The following WWOX variants were observed in gnomAD, a reference collection of about 807,000 sequenced individuals.
WWOX encodes the protein WW domain containing oxidoreductase, also known as WW domain-containing oxidoreductase.
A neutral mutation model predicts 46.2 loss-of-function variants in WWOX; 69 were observed. That is an observed-to-expected ratio of 1.49 (90% CI 1.23 to 1.82). The LOEUF is 1.82. WWOX is among the 40% of genes most tolerant of loss of function. WWOX has a pLI of 0.00. For missense variants in WWOX, 919 were observed against 542.6 expected, an observed-to-expected ratio of 1.69 and a Z score of -6.89; for synonymous variants, 359 against 202.6, an observed-to-expected ratio of 1.77 and a Z score of -6.56.
At chr16:78,904,828 T>G (rs2044920207) in intron 8 of WWOX, among the ~76,000 whole-genome samples, 1 of 152,196 alleles carries the variant, frequency 6.6e-6, no homozygotes, top group African/African-American at 2.4e-5. Flanking sequence ...ACTGAATATT[T>G]CTTAATTAAG....
At chr16:79,048,648 A>G (rs1451233454) in intron 8 of WWOX, among the ~76,000 whole-genome samples, 4 of 152,164 alleles carry the variant, frequency 2.6e-5, no homozygotes, top group South Asian at 4.1e-4. Flanking sequence ...ATTATACTCT[A>G]AAGCATCAAT....
chr16:78,742,952 G>A (rs778259687), intron 8 of WWOX, among the ~76,000 whole-genome samples: 1 of 152,090 alleles, frequency 6.6e-6, no homozygotes, highest in African/African-American at 2.4e-5. Flanking sequence ...GCTTGTGGAA[G>A]AGTAAGAGGG....
intron 5 of WWOX, among the ~76,000 whole-genome samples, chr16:78,323,061 A>G (rs978575263): frequency 6.6e-6 from 1 of 152,200 alleles, no homozygotes; most frequent in East Asian, 1.9e-4. Context: ...AAAATAAAAC[A>G]GGCGTTCCTT....
At chr16:78,817,861 T>G (rs1446038972) in intron 8 of WWOX, among the ~76,000 whole-genome samples, 1 of 152,160 alleles carries the variant, frequency 6.6e-6, no homozygotes, top group Non-Finnish European at 1.5e-5. Context: ...GCCTTCTTAT[T>G]GTCATAGGTC....
chr16:78,499,859 C>A (rs2085017725), intron 8 of WWOX, among the ~76,000 whole-genome samples: 2 of 152,274 alleles, frequency 1.3e-5, no homozygotes, highest in South Asian at 4.1e-4. Context: ...ATGCCATGGA[C>A]CCCTCCCTTA....
chr16:78,619,632 TGGTGGCTC>T (rs2046127444), intron 8 of WWOX, among the ~76,000 whole-genome samples: 1 of 151,642 alleles, frequency 6.6e-6, no homozygotes, highest in African/African-American at 2.4e-5. Context: ...GAATTGGGCG[TGGTGGCTC>T]ATGTCTGTAA....
intron 8 of WWOX, among the ~76,000 whole-genome samples, chr16:78,785,275 A>C (rs1221488462): frequency 6.6e-6 from 1 of 152,160 alleles, no homozygotes; most frequent in Non-Finnish European, 1.5e-5. Context: ...GGCAGGTGCA[A>C]CCTTTGGCTG....
At chr16:78,819,565 T>C (rs57337106) in intron 8 of WWOX, among the ~76,000 whole-genome samples, 4,860 of 152,346 alleles carry the variant, frequency 0.032, 246 homozygotes, top group African/African-American at 0.1. Flanking sequence ...GAATTGCCAC[T>C]GTGGGTACTC....
chr16:78,562,342 C>A (rs1874486938), intron 8 of WWOX, among the ~76,000 whole-genome samples: 1 of 152,198 alleles, frequency 6.6e-6, no homozygotes, highest in South Asian at 2.1e-4. Context: ...ACTCTGAATT[C>A]CGCAGTGTTG....
chr16:78,818,256 C>T (rs934922180), intron 8 of WWOX, among the ~76,000 whole-genome samples: 27 of 152,214 alleles, frequency 1.8e-4, no homozygotes, highest in Admixed American at 1.3e-3. Context: ...ACCTGGGCTG[C>T]ACATCAGAGC....
chr16:78,548,186 T>A (rs1260319481), intron 8 of WWOX, among the ~76,000 whole-genome samples: 1 of 123,242 alleles, frequency 8.1e-6, no homozygotes, highest in Non-Finnish European at 1.8e-5. Context: ...AAATTACGAA[T>A]TTTGCGAGGA....
intron 5 of WWOX, among the ~76,000 whole-genome samples, chr16:78,290,450 A>G (rs1162865976): frequency 2.6e-5 from 4 of 152,256 alleles, no homozygotes; most frequent in South Asian, 4.1e-4. Context: ...TGTTACAGAG[A>G]ACAGCTTTCC....
chr16:78,315,103 TA>T (rs2080333494), intron 5 of WWOX, among the ~76,000 whole-genome samples: 1 of 152,220 alleles, frequency 6.6e-6, no homozygotes. Context: ...TTTTTGGCTT[TA>T]ATTTTGTCAC....
intron 8 of WWOX, among the ~76,000 whole-genome samples, chr16:78,867,223 A>T (rs1380941996): frequency 6.6e-6 from 1 of 152,168 alleles, no homozygotes. Context: ...GGGGAGTGCA[A>T]GAAGTTTAGG....
intron 8 of WWOX, among the ~76,000 whole-genome samples, chr16:79,150,922 C>T (rs1036685624): frequency 6.6e-6 from 1 of 152,194 alleles, no homozygotes; most frequent in African/African-American, 2.4e-5. Flanking sequence ...ATTCTGCTGT[C>T]ACTGGTGTAG....
intron 4 of WWOX, among the ~76,000 whole-genome samples, chr16:78,129,615 G>A (rs184424913): frequency 4.6e-5 from 7 of 152,170 alleles, no homozygotes; most frequent in Non-Finnish European, 1.0e-4. Flanking sequence ...TTAGGACAGA[G>A]GTAAGAACTG....
At chr16:78,644,026 C>T (rs1263361202) in intron 8 of WWOX, among the ~76,000 whole-genome samples, 1 of 152,048 alleles carries the variant, frequency 6.6e-6, no homozygotes, top group Non-Finnish European at 1.5e-5. Flanking sequence ...AGTTTGAGAC[C>T]AGCCTGACCA....
chr16:78,957,609 A>G (rs1224376232), intron 8 of WWOX, among the ~76,000 whole-genome samples: 1 of 152,208 alleles, frequency 6.6e-6, no homozygotes, highest in Non-Finnish European at 1.5e-5. Context: ...TTACTGAGGT[A>G]TGTCTCTTCG....
intron 8 of WWOX, among the ~76,000 whole-genome samples, chr16:78,447,546 TAGGTA>T (rs1266020012): frequency 2.0e-5 from 3 of 152,258 alleles, no homozygotes; most frequent in African/African-American, 7.2e-5. Flanking sequence ...CAACTACACT[TAGGTA>T]AATATCCGCA....
Sources: allele counts gnomAD v4.1 joint callset (sites outside exome capture counted in the v4.1 genomes callset), GRCh38; gene constraint gnomAD v4.1.1; transcripts MANE v1.5; gene names NCBI Gene and HGNC (gene_info 2026-07-23, HGNC 2026-07-21).